The following CCDC3 variants were observed in gnomAD, a reference collection of about 807,000 sequenced individuals.
The protein encoded by CCDC3 is coiled-coil domain-containing protein 3.
A neutral mutation model predicts 21.4 loss-of-function variants in CCDC3; 24 were observed. The ratio of observed to expected loss-of-function variants is 1.12; its 90% CI spans 0.81 to 1.58. The LOEUF is 1.58. CCDC3 is among the 40% of genes most tolerant of loss of function. CCDC3 has a pLI of 0.00. For missense variants in CCDC3, 425 were observed against 360.9 expected (o/e 1.18, Z -1.44); for synonymous variants, 186 against 166.0 (o/e 1.12, Z -0.93).
chr10:12,937,347 C>T (rs1003548629), intron 2 of CCDC3, among the ~76,000 whole-genome samples: 2 of 152,166 alleles, frequency 1.3e-5, no homozygotes, highest in Non-Finnish European at 2.9e-5. Flanking sequence ...CTACGTAGAG[C>T]ATTTCCTTTT....
chr10:12,909,317 G>A (rs1216993525), intron 2 of CCDC3, among the ~76,000 whole-genome samples: 4 of 152,168 alleles, frequency 2.6e-5, no homozygotes, highest in Non-Finnish European at 4.4e-5. Context: ...CTCAGCCTCC[G>A]TGGCATCCCA....
chr10:12,903,259 C>G (rs544206785), intron 2 of CCDC3, among the ~76,000 whole-genome samples: 2 of 152,242 alleles, frequency 1.3e-5, no homozygotes, highest in East Asian at 3.9e-4. Flanking sequence ...GCCGATGGAG[C>G]CCTCTGGCAT....
chr10:13,066,585 AT>A (rs1353241809), intron 4 of CCDC3, among the ~76,000 whole-genome samples: 2 of 152,232 alleles, frequency 1.3e-5, no homozygotes, highest in Non-Finnish European at 2.9e-5. Flanking sequence ...AACCCATAGT[AT>A]TTGTATACCA....
intron 5 of CCDC3, among the ~76,000 whole-genome samples, chr10:13,038,003 G>T (rs1165093158): frequency 1.3e-5 from 2 of 152,136 alleles, no homozygotes; most frequent in South Asian, 4.1e-4. Flanking sequence ...TTTCAAAAGA[G>T]AAAATGTGGT....
intron 3 of CCDC3, among the ~76,000 whole-genome samples, chr10:13,097,632 G>A (rs571611948): frequency 6.6e-6 from 1 of 152,196 alleles, no homozygotes; most frequent in African/African-American, 2.4e-5. Flanking sequence ...GCTGAGGCAG[G>A]AGAATCACTC....
intron 5 of CCDC3, among the ~76,000 whole-genome samples, chr10:13,039,772 T>C (rs537529954): frequency 6.6e-6 from 1 of 152,112 alleles, no homozygotes; most frequent in African/African-American, 2.4e-5. Flanking sequence ...CATCGTCAGC[T>C]GAAAATGGTA....
intron 2 of CCDC3, among the ~76,000 whole-genome samples, chr10:12,923,682 C>T (rs1321146177): frequency 2.6e-5 from 4 of 152,178 alleles, no homozygotes; most frequent in African/African-American, 9.7e-5. Flanking sequence ...TTTTCACCTC[C>T]ATGCACCAGA....
At chr10:13,061,975 C>G (rs1484726368) in intron 4 of CCDC3, among the ~76,000 whole-genome samples, 1 of 151,060 alleles carries the variant, frequency 6.6e-6, no homozygotes, top group African/African-American at 2.4e-5. Context: ...TCCCCCCCAC[C>G]ACCCAGAAAG....
chr10:12,974,117 A>G (rs2131266759), intron 2 of CCDC3, among the ~76,000 whole-genome samples: 1 of 152,366 alleles, frequency 6.6e-6, no homozygotes, highest in South Asian at 2.1e-4. Context: ...GGTGGGAAAT[A>G]TGGGGTGATG....
At chr10:12,982,047 G>A (rs1270447735) in intron 2 of CCDC3, among the ~76,000 whole-genome samples, 7 of 147,414 alleles carry the variant, frequency 4.7e-5, no homozygotes, top group African/African-American at 7.6e-5. Flanking sequence ...GCTTGAACTC[G>A]GGAGGCAGAG....
At chr10:12,925,457 C>T (rs554668413) in intron 2 of CCDC3, among the ~76,000 whole-genome samples, 1 of 152,354 alleles carries the variant, frequency 6.6e-6, no homozygotes, top group African/African-American at 2.4e-5. Context: ...ACCTCTCCCC[C>T]AGCGAAGGCA....
intron 2 of CCDC3, among the ~76,000 whole-genome samples, chr10:12,983,239 C>T (rs1835534674): frequency 6.8e-6 from 1 of 147,212 alleles, no homozygotes; most frequent in African/African-American, 2.5e-5. Context: ...AGTAGCTTAA[C>T]AGTTGTGTCT....
chr10:12,925,509 G>T (rs949771603), intron 2 of CCDC3, among the ~76,000 whole-genome samples: 1 of 152,216 alleles, frequency 6.6e-6, no homozygotes, highest in Non-Finnish European at 1.5e-5. Context: ...CTGCCTGAAT[G>T]CCCCTGTGGC....
rs1834288239 is a variant in CCDC3, at chr10:12,912,673, C to CA, written c.550-13995dup. Among the ~76,000 whole-genome samples, 3 of 152,198 alleles carry CA rather than the reference C, an allele frequency of 2.0e-5. No individual in the cohort carries two copies. In the South Asian group the frequency reaches 6.2e-4, roughly 32 times the overall value. The stretch of plus-strand genomic sequence containing the variant: ...TTGCTTATGCTTTTGTGGCCATACC[C>CA]AAAAAATGATTGCCCAGACCAATGT... On this transcript the variant is annotated intron_variant, in intron 2 of 2. Transcript: ENST00000378825.
At chr10:13,062,637 C>T (rs1836771319) in intron 4 of CCDC3, among the ~76,000 whole-genome samples, 1 of 152,142 alleles carries the variant, frequency 6.6e-6, no homozygotes, top group African/African-American at 2.4e-5. Context: ...GTAGGCTGAA[C>T]TAACTTTGGG....
chr10:12,985,972 T>G (rs1229051223), intron 2 of CCDC3, among the ~76,000 whole-genome samples: 1 of 152,142 alleles, frequency 6.6e-6, no homozygotes, highest in African/African-American at 2.4e-5. Context: ...GCCTCCCGGG[T>G]TCACGCCATT....
chr10:12,951,677 C>T (rs984725693), intron 2 of CCDC3, among the ~76,000 whole-genome samples: 1 of 151,904 alleles, frequency 6.6e-6, no homozygotes, highest in Non-Finnish European at 1.5e-5. Flanking sequence ...TGATGGCATG[C>T]GCCTGTAGTC....
chr10:12,941,887 G>A (rs911292741), intron 2 of CCDC3, among the ~76,000 whole-genome samples: 16 of 152,160 alleles, frequency 1.1e-4, no homozygotes, highest in African/African-American at 3.9e-4. Flanking sequence ...CTCTGCACCA[G>A]GAATAGGAGG....
At chr10:13,049,059 C>T (rs1836569457) in intron 5 of CCDC3, among the ~76,000 whole-genome samples, 3 of 152,150 alleles carry the variant, frequency 2.0e-5, no homozygotes, top group Admixed American at 6.5e-5. Flanking sequence ...TCACCTGACT[C>T]GATACAGGCT....
Sources: allele counts gnomAD v4.1 joint callset (sites outside exome capture counted in the v4.1 genomes callset), GRCh38; gene constraint gnomAD v4.1.1; transcripts MANE v1.5; gene names NCBI Gene and HGNC (gene_info 2026-07-23, HGNC 2026-07-21).